BRCA2: variants seen among roughly 807,000 people sequenced by gnomAD.
BRCA2 encodes BRCA2 DNA repair associated, also known as breast cancer type 2 susceptibility protein.
BRCA2 carries 203 observed loss-of-function variants against 276.7 expected under a neutral mutation model. The ratio of observed to expected loss-of-function variants is 0.73; its 90% CI spans 0.65 to 0.82. BRCA2 has a LOEUF of 0.82. BRCA2 is among the 40% of genes least tolerant of loss of function. The pLI is 0.00. For missense variants in BRCA2, 3,920 were observed against 3,915.0 expected, an observed-to-expected ratio of 1.00 and a Z score of -0.03; for synonymous variants, 1,289 against 1,338.4, an observed-to-expected ratio of 0.96 and a Z score of 0.81.
chr13:32,344,406 C>G, intron 11 of BRCA2, 152 bp from the exon 12 acceptor site: 1 of 576,350 alleles, frequency 1.7e-6, no homozygotes, highest in Non-Finnish European at 3.1e-6. Flanking sequence ...TGACTTTACT[C>G]TTTCAAACAT....
At chr13:32,397,213 G>A (rs931651311) in intron 26 of BRCA2, among the ~76,000 whole-genome samples, 169 bp downstream of exon 26, 1 of 152,182 alleles carries the variant, frequency 6.6e-6, no homozygotes, top group African/African-American at 2.4e-5. Flanking sequence ...ATTTATTGAA[G>A]CAAGATATGA....
At chr13:32,397,703 G>C (rs923033182) in intron 26 of BRCA2, among the ~76,000 whole-genome samples, 1 of 152,100 alleles carries the variant, frequency 6.6e-6, no homozygotes, top group African/African-American at 2.4e-5. Context: ...GTGAGGACTT[G>C]ACTCTATTAT....
chr13:32,322,501 G>T (rs1430400873), intron 3 of BRCA2, among the ~76,000 whole-genome samples: 1 of 152,200 alleles, frequency 6.6e-6, no homozygotes, highest in African/African-American at 2.4e-5. Context: ...GGTCTGGCTA[G>T]TTATCTGCAG....
At chr13:32,344,150 T>C (rs1221904296) in intron 11 of BRCA2, among the ~76,000 whole-genome samples, 2 of 141,234 alleles carry the variant, frequency 1.4e-5, no homozygotes, top group African/African-American at 5.3e-5. Flanking sequence ...CTTCAGTTAA[T>C]GGCTGCCCCC....
intron 24 of BRCA2, among the ~76,000 whole-genome samples, chr13:32,382,846 G>A (rs1351489446): frequency 6.6e-6 from 1 of 152,222 alleles, no homozygotes; most frequent in South Asian, 2.1e-4. Flanking sequence ...GTGGGGCACT[G>A]TTCTCAGATA....
rs1060502429 is a variant in BRCA2 at position 32,339,757 on chromosome 13, C to A, written c.5402C>A (p.Pro1801Gln). 6.2e-7 allele frequency: 1 copy of A among 1,613,716 alleles called. No individual in the cohort carries two copies. Among genetic ancestry groups the A allele is most frequent in the Non-Finnish European group, 8.5e-7 (1 of 1,179,882 alleles). Reference protein sequence around the residue: ...ISNVKDANAYPQTVNEDICVE... With the variant: ...ISNVKDANAYQQTVNEDICVE... ...AATGTAAAAGATGCAAATGCATACC[C>A]ACAAACTGTAAATGAAGATATTTGC... The change falls in exon 11 of 27, where the codon CCA (proline) becomes CAA (glutamine). Residue 1801 changes from proline to glutamine, a missense_variant. Coordinates refer to ENST00000380152, the MANE Select transcript of BRCA2 (RefSeq NM_000059.4).
At chr13:32,378,396 C>T (rs1001907924) in intron 21 of BRCA2, among the ~76,000 whole-genome samples, 7 of 152,166 alleles carry the variant, frequency 4.6e-5, no homozygotes, top group Non-Finnish European at 1.0e-4. Context: ...TTGAGGAGAA[C>T]GTAGGCATCC....
intron 24 of BRCA2, 120 bp from the exon 25 acceptor site, chr13:32,394,569 A>G: frequency 7.9e-7 from 1 of 1,269,044 alleles, no homozygotes. Flanking sequence ...AGCTATTTTG[A>G]TTTGCTTTTA....
intron 25 of BRCA2, chr13:32,395,960 CTTTTTTTTTTT>C (rs397838402): frequency 8.8e-5 from 7 of 79,198 alleles, no homozygotes; most frequent in South Asian, 1.4e-4. Flanking sequence ...TTCTTTCTTT[CTTTTTTTTTTT>C]TTTTTTTTTT....
rs1269292083 is a variant in BRCA2, at chr13:32,323,747, C to G, written c.317-1329C>G. Among the ~76,000 whole-genome samples, 4 of 152,072 alleles carry G rather than the reference C, an allele frequency of 2.6e-5. No individual in the cohort carries two copies. The East Asian group carries it at 7.7e-4, about 29-fold the overall frequency. On this transcript the variant is annotated intron_variant, in intron 3 of 26. Transcript: ENST00000380152. ...AAAGCTAAGTTAGAGATTATAGGAC[C>G]AACCGAAGCAACTATTTTCTAAGAG...
At chr13:32,374,755 A>C (rs2072859224) in intron 20 of BRCA2, among the ~76,000 whole-genome samples, 1 of 152,084 alleles carries the variant, frequency 6.6e-6, no homozygotes, top group South Asian at 2.1e-4. Flanking sequence ...ACTTTCCCAC[A>C]TCTTCCTGTC....
rs80358464 is a variant in BRCA2 at position 32,333,278 on chromosome 13, T to C, written c.1800T>C (p.Tyr600=). ...ATGCTATACATGATGAAACATCTTA[T>C]AAAGGAAAAAAAATACCGAAAGACC... ...FIYAIHDETS[Y]KGKKIPKDQK... is the part of the protein sequence containing the mutation. Residue 600 remains tyrosine (Y), a synonymous_variant, in exon 10 of 27, where the codon TAT becomes TAC. Coordinates refer to ENST00000380152, the MANE Select transcript of BRCA2 (RefSeq NM_000059.4). 2.5e-6 allele frequency: 4 copies of C among 1,605,102 alleles called. No homozygotes were observed. Among genetic ancestry groups the C allele is most frequent in the East Asian group, 2.2e-5 (1 of 44,812 alleles).
intron 20 of BRCA2, among the ~76,000 whole-genome samples, chr13:32,376,069 C>A (rs1186999635): frequency 6.6e-6 from 1 of 152,012 alleles, no homozygotes; most frequent in Non-Finnish European, 1.5e-5. Flanking sequence ...CACAAACCTT[C>A]AATTTGTGTT....
At position 32,337,409 on chromosome 13, in the gene BRCA2, G is replaced by A. The variant is rs368404583; in HGVS notation, c.3054G>A (p.Lys1018=). Residue 1018 remains lysine, a synonymous_variant, in exon 11 of 27, where the codon AAG becomes AAA. Coordinates refer to ENST00000380152, the MANE Select transcript of BRCA2 (RefSeq NM_000059.4). The part of the protein sequence containing the change: ...SFRTASNKEI[K]LSEHNIKKSK... ...GAACAGCTTCAAATAAGGAAATCAA[G>A]CTCTCTGAACATAACATTAAGAAGA... 1.2e-5 allele frequency: 20 copies of A among 1,613,416 alleles called. No individual in the cohort carries two copies. The African/African-American group carries it at 2.4e-4, about 19-fold the overall frequency.
At chr13:32,389,936 A>G (rs2072985777) in intron 24 of BRCA2, among the ~76,000 whole-genome samples, 1 of 152,176 alleles carries the variant, frequency 6.6e-6, no homozygotes, top group South Asian at 2.1e-4. Flanking sequence ...TCATTTTACC[A>G]GTTTAGTTGG....
intron 11 of BRCA2, among the ~76,000 whole-genome samples, chr13:32,342,035 G>A (rs1486830024): frequency 3.3e-5 from 5 of 152,138 alleles, no homozygotes; most frequent in Admixed American, 2.0e-4. Flanking sequence ...ACTTTGGGAG[G>A]CCGAGGTGGG....
rs730881551 is a variant in BRCA2 at position 32,344,647 on chromosome 13, C to A, written c.6931C>A (p.Pro2311Thr). The A allele has an allele frequency of 6.4e-7, 1 of 1,562,006 alleles. No individual in the cohort carries two copies. Among genetic ancestry groups the A allele is most frequent in the Non-Finnish European group, 8.8e-7 (1 of 1,133,222 alleles). The change falls in exon 12 of 27, where the codon CCA (proline) becomes ACA (threonine). Residue 2311 changes from proline to threonine, a missense_variant. By Grantham distance (38) the Pro-to-Thr change is conservative. Transcript: ENST00000380152. ...ATCCTTAAAGGCTTCAAAAAGCACT[C>A]CAGATGGTAAAATTAGCTTTTTATT... ...EKSLKASKSTPDGTIKDRRLF... is the reference protein window; with the variant it reads ...EKSLKASKSTTDGTIKDRRLF...
rs779728869 is a variant in BRCA2 at position 32,398,229 on chromosome 13, C to A, written c.9716C>A (p.Ser3239Tyr). Reference protein sequence around the residue: ...PLSLCMAKRKSVSTPVSAQMT... With the variant: ...PLSLCMAKRKYVSTPVSAQMT... ...TCACTTTGTATGGCCAAAAGGAAGT[C>A]TGTTTCCACACCTGTCTCAGCCCAG... Residue 3239 changes from serine to tyrosine, a missense_variant, in exon 27 of 27, where the codon TCT (serine) becomes TAT (tyrosine). By Grantham distance (144) the Ser-to-Tyr change is moderately radical. Transcript: ENST00000380152. The A allele has an allele frequency of 1.9e-6, 3 of 1,613,568 alleles. No individual in the cohort carries two copies.
At chr13:32,397,371 A>G (rs1442728948) in intron 26 of BRCA2, among the ~76,000 whole-genome samples, 3 of 152,230 alleles carry the variant, frequency 2.0e-5, no homozygotes, top group Non-Finnish European at 4.4e-5. Flanking sequence ...TGGTTAAATC[A>G]CAGTAGATGC....
Sources: gnomAD v4.1 joint callset for allele counts (sites outside exome capture counted in the v4.1 genomes callset) on GRCh38, gnomAD v4.1.1 for gene constraint, MANE v1.5 for transcripts, NCBI Gene and HGNC (gene_info 2026-07-23, HGNC 2026-07-21) for gene names.